The following MDGA2 variants were observed in gnomAD, a reference collection of about 807,000 sequenced individuals.
MDGA2 encodes MAM domain containing glycosylphosphatidylinositol anchor 2, also known as MAM domain-containing glycosylphosphatidylinositol anchor protein 2.
MDGA2 carries 40 observed loss-of-function variants against 117.8 expected under a neutral mutation model. The ratio of observed to expected loss-of-function variants is 0.34; its 90% CI spans 0.26 to 0.44. The LOEUF (loss-of-function observed/expected upper bound fraction) is 0.44. MDGA2 is among the 20% of genes least tolerant of loss of function. The probability of loss-of-function intolerance (pLI) is 1.00; values close to 1 mark genes in which losing one functional copy is unlikely to be tolerated. For synonymous variants in MDGA2, 452 were observed against 439.0 expected, an observed-to-expected ratio of 1.03 and a Z score of -0.37; for missense variants, 1,123 against 1,250.6, an observed-to-expected ratio of 0.90 and a Z score of 1.54.
At chr14:47,227,111 T>C (rs1886531928) in intron 2 of MDGA2, among the ~76,000 whole-genome samples, 2 of 152,154 alleles carry the variant, frequency 1.3e-5, no homozygotes, top group East Asian at 1.9e-4. Flanking sequence ...GTATATGTTG[T>C]AGGAGATAAT....
At chr14:46,843,423 T>C (rs764475578) in intron 16 of MDGA2, among the ~76,000 whole-genome samples, 31 of 152,178 alleles carry the variant, frequency 2.0e-4, no homozygotes, top group Non-Finnish European at 3.8e-4. Flanking sequence ...CACTCAGTCA[T>C]ACTATGAAAT....
intron 6 of MDGA2, among the ~76,000 whole-genome samples, chr14:47,069,468 T>C (rs2138829881): frequency 6.6e-6 from 1 of 152,356 alleles, no homozygotes; most frequent in Middle Eastern, 3.4e-3. Context: ...AACAGTTCAT[T>C]TGAGTTCTAT....
At chr14:47,452,300 T>G (rs751107440) in intron 1 of MDGA2, among the ~76,000 whole-genome samples, 1 of 152,154 alleles carries the variant, frequency 6.6e-6, no homozygotes, top group Non-Finnish European at 1.5e-5. Flanking sequence ...CTGTAGATTA[T>G]GTAGTATTTT....
At chr14:46,847,978 G>A (rs1392821249) in intron 15 of MDGA2, among the ~76,000 whole-genome samples, 1 of 151,936 alleles carries the variant, frequency 6.6e-6, no homozygotes, top group Non-Finnish European at 1.5e-5. Flanking sequence ...GTCAATGTTA[G>A]AGTAAATCAA....
intron 5 of MDGA2, among the ~76,000 whole-genome samples, chr14:47,126,642 G>T (rs1881918503): frequency 6.6e-6 from 1 of 152,100 alleles, no homozygotes; most frequent in South Asian, 2.1e-4. Flanking sequence ...AGCAGTTCTA[G>T]ATAATTAATT....
At chr14:47,076,560 A>ATG (rs145260703) in intron 6 of MDGA2, among the ~76,000 whole-genome samples, 84,303 of 146,962 alleles carry the variant, frequency 0.57, 24,317 homozygotes, top group East Asian at 0.8. Flanking sequence ...AGTGTGTGTT[A>ATG]TGTGTGTGTG....
chr14:47,649,521 C>A (rs535236919), intron 1 of MDGA2, among the ~76,000 whole-genome samples: 1 of 152,150 alleles, frequency 6.6e-6, no homozygotes, highest in Admixed American at 6.6e-5. Flanking sequence ...CCCGTCTCTA[C>A]CAAAAATACA....
chr14:47,026,518 T>A (rs1406816875), intron 8 of MDGA2, among the ~76,000 whole-genome samples: 1 of 151,870 alleles, frequency 6.6e-6, no homozygotes, highest in Non-Finnish European at 1.5e-5. Flanking sequence ...ATTGTTGGTA[T>A]ATTTAAAATA....
At chr14:47,068,404 GTAAGA>G (rs1436376907) in intron 6 of MDGA2, among the ~76,000 whole-genome samples, 285 of 78,440 alleles carry the variant, frequency 3.6e-3, no homozygotes, top group Non-Finnish European at 4.3e-3. Context: ...CCTATTTTAA[GTAAGA>G]AAAAAAAAAT....
intron 3 of MDGA2, among the ~76,000 whole-genome samples, chr14:47,173,398 A>G (rs1289663288): frequency 2.0e-5 from 3 of 152,340 alleles, no homozygotes; most frequent in Admixed American, 1.3e-4. Context: ...GCAGCCAGAG[A>G]GAAAGGTTGG....
chr14:47,587,352 TAAAA>T (rs1896344654), intron 1 of MDGA2, among the ~76,000 whole-genome samples: 1 of 151,756 alleles, frequency 6.6e-6, no homozygotes, highest in Admixed American at 6.6e-5. Context: ...TTACTTTTTT[TAAAA>T]AAAGTAATAA....
chr14:47,483,039 C>G (rs989014412), intron 1 of MDGA2, among the ~76,000 whole-genome samples: 1 of 151,962 alleles, frequency 6.6e-6, no homozygotes, highest in Non-Finnish European at 1.5e-5. Context: ...TTTTACTGAA[C>G]TGACATTTTA....
intron 1 of MDGA2, among the ~76,000 whole-genome samples, chr14:47,419,402 T>C (rs1436949082): frequency 6.6e-6 from 1 of 152,128 alleles, no homozygotes; most frequent in Non-Finnish European, 1.5e-5. Context: ...TCATAGGCCA[T>C]GACCCAAAGA....
At chr14:47,175,746 G>C (rs914276399) in intron 3 of MDGA2, among the ~76,000 whole-genome samples, 1 of 146,042 alleles carries the variant, frequency 6.8e-6, no homozygotes, top group Non-Finnish European at 1.5e-5. Context: ...GCACAAGACA[G>C]GGATGCCCTC....
chr14:47,185,293 T>G (rs781515931), intron 3 of MDGA2, among the ~76,000 whole-genome samples: 3 of 151,370 alleles, frequency 2.0e-5, no homozygotes, highest in Non-Finnish European at 3.0e-5. Flanking sequence ...AGAATAATTA[T>G]TCTGGAAAAA....
intron 10 of MDGA2, among the ~76,000 whole-genome samples, chr14:46,885,123 A>G (rs1373454591): frequency 6.6e-6 from 1 of 152,112 alleles, no homozygotes; most frequent in Non-Finnish European, 1.5e-5. Context: ...CTGGGATTAC[A>G]GGCGTAAGTC....
intron 8 of MDGA2, among the ~76,000 whole-genome samples, chr14:47,033,824 A>C (rs1487458460): frequency 2.0e-5 from 3 of 152,134 alleles, no homozygotes; most frequent in African/African-American, 7.2e-5. Context: ...AGCACCCAGA[A>C]CCTTGTCTCT....
At chr14:47,206,425 T>C (rs1885685819) in intron 3 of MDGA2, among the ~76,000 whole-genome samples, 1 of 150,562 alleles carries the variant, frequency 6.6e-6, no homozygotes, top group Non-Finnish European at 1.5e-5. Flanking sequence ...ACCTCGTCTG[T>C]ACAGAAAGAA....
intron 5 of MDGA2, among the ~76,000 whole-genome samples, chr14:47,120,632 T>C (rs1224574128): frequency 6.6e-6 from 1 of 152,162 alleles, no homozygotes; most frequent in East Asian, 1.9e-4. Context: ...AGGGAACAGC[T>C]GAAATTACTG....
Sources: allele counts gnomAD v4.1 joint callset (sites outside exome capture counted in the v4.1 genomes callset), GRCh38; gene constraint gnomAD v4.1.1; transcripts MANE v1.5; gene names NCBI Gene and HGNC (gene_info 2026-07-23, HGNC 2026-07-21).